KIFC2: variants seen among roughly 807,000 people sequenced by gnomAD.
The protein encoded by KIFC2 is kinesin family member C2, also known as kinesin-like protein KIFC2.
In KIFC2, 94 loss-of-function variants were observed where a neutral mutation model predicts 91.5. That is an observed-to-expected ratio of 1.03 (90% CI 0.87 to 1.22). KIFC2 has a LOEUF of 1.22. Ranked by LOEUF, KIFC2 falls within the 50% of genes most tolerant of loss-of-function variation. The pLI, the probability that KIFC2 is intolerant of heterozygous loss-of-function variation, is 0.00. For synonymous variants in KIFC2, 729 were observed against 503.9 expected, an observed-to-expected ratio of 1.45 and a Z score of -5.98; for missense variants, 1,357 against 1,103.3, an observed-to-expected ratio of 1.23 and a Z score of -3.26.
Position 144,467,839 on chromosome 8 carries a change from C to A in KIFC2, c.682-20C>A. 6.2e-7 allele frequency: 1 copy of A among 1,613,412 alleles called. No individual in the cohort carries two copies. Among genetic ancestry groups the A allele is most frequent in the South Asian group, 1.1e-5 (1 of 91,066 alleles). ...TGGAGGGGGTGCTTCAGGTGAGTGC[C>A]GAGGTTTCCTCTCCACCAGGGGGCG... On this transcript the variant is annotated intron_variant, in intron 6 of 17. Transcript: ENST00000645548.
chr8:144,471,810 T>G, intron 12 of KIFC2, 132 bp from the exon 13 acceptor site: 2 of 739,496 alleles, frequency 2.7e-6, no homozygotes, highest in Non-Finnish European at 4.7e-6. Context: ...TCCCCCATGG[T>G]CCCTTAGAGC....
chr8:144,470,189 G>A (rs1032122130), intron 12 of KIFC2, among the ~76,000 whole-genome samples: 5 of 152,256 alleles, frequency 3.3e-5, no homozygotes, highest in Non-Finnish European at 7.3e-5. Flanking sequence ...GAATGGCAGC[G>A]ACTCCCAACC....
intron 7 of KIFC2, 49 bp from the exon 8 acceptor site, chr8:144,468,280 C>G: frequency 2.7e-6 from 4 of 1,503,624 alleles, no homozygotes; most frequent in Non-Finnish European, 2.7e-6. Context: ...TGAAATGGTA[C>G]CACAGACCGT....
At position 144,473,549 on chromosome 8, in the gene KIFC2, A is replaced by C. The variant is rs1266613768; in HGVS notation, c.*160A>C. On this transcript the variant is annotated 3_prime_UTR_variant, in exon 18 of 18. Coordinates refer to ENST00000645548, the MANE Select transcript of KIFC2 (RefSeq NM_001369769.2). ...GAGTCACCCCTCCACCTCCGCAGCC[A>C]GTGAAGTGTGTTGTGCCTGCTGAAG... The C allele has an allele frequency of 5.2e-6, 6 of 1,164,496 alleles. No homozygotes were observed. 72.1% of individuals were successfully genotyped at this position (1,164,496 alleles called of 1,614,324 possible). A position where few individuals can be genotyped will look rare whatever the true frequency, so the allele number is the denominator to read the frequency against.
chr8:144,469,310 G>A lies in KIFC2; in HGVS notation c.1153G>A (p.Gly385Ser). 1.2e-6 allele frequency: 2 copies of A among 1,605,408 alleles called. No individual in the cohort carries two copies. The highest frequency in any genetic ancestry group is 1.7e-6 in the Non-Finnish European group (2 of 1,177,538). ...GGGGGCACTGTCATCTGGAGGGCCT[G>A]GCACTCAGCTCCCTGAGGGGCAGCA... is the stretch of plus-strand genomic sequence containing the variant. ...ALGALSSGGP[G>S]TQLPEGQQGP... The change falls in exon 11 of 18, where the codon GGC becomes AGC. Residue 385 changes from glycine to serine, a missense_variant. Physicochemically the swap from Gly to Ser is moderately conservative, Grantham distance 56. Coordinates refer to ENST00000645548, the MANE Select transcript of KIFC2 (RefSeq NM_001369769.2).
At position 144,466,795 on chromosome 8, in the gene KIFC2, C is replaced by T. The variant is rs759050492; in HGVS notation, c.135C>T (p.Asp45=). 5 of 1,535,850 alleles carry T rather than the reference C, an allele frequency of 3.3e-6. No homozygotes were observed. Among genetic ancestry groups the T allele is most frequent in the Admixed American group, 3.9e-5 (2 of 51,566 alleles). Residue 45 remains aspartate (D), a synonymous_variant, in exon 2 of 18, where the codon GAC becomes GAT. Coordinates refer to ENST00000645548, the MANE Select transcript of KIFC2 (RefSeq NM_001369769.2). ...ARKPRGRRRP[D]LPAPELWTEL... The stretch of plus-strand genomic sequence containing the variant: ...AGCCCCGGGGTCGCCGGCGCCCAGA[C>T]CTGCCCGCGCCAGAGCTGTGGACCG...
At chr8:144,467,420 G>T (rs200246760) in intron 4 of KIFC2, 65 bp from the exon 5 acceptor site, 3 of 1,542,638 alleles carry the variant, frequency 1.9e-6, no homozygotes, top group Non-Finnish European at 2.6e-6. Context: ...TGGAGTTCGG[G>T]GTCATGTTCC....
In KIFC2 at chr8:144,472,372, C is replaced by T. The variant is rs1194591770; in HGVS notation, c.1619C>T (p.Ala540Val). 4.3e-6 allele frequency: 7 copies of T among 1,613,280 alleles called. No individual in the cohort carries two copies. The Admixed American group carries it at 5.0e-5, about 12-fold the overall frequency. ...IYNEAVRDLL[A>V]PGPPERLAVR... ...CCCTTTCTCACCAGGGACCTCCTTG[C>T]TCCAGGGCCTCCCGAGCGCCTGGCC... Residue 540 changes from alanine (A) to valine (V), a missense_variant, in exon 15 of 18, where the codon GCT (alanine) becomes GTT (valine). By Grantham distance (64) the Ala-to-Val change is moderately conservative (BLOSUM62 0). Coordinates refer to ENST00000645548, the MANE Select transcript of KIFC2 (RefSeq NM_001369769.2).
In KIFC2 at chr8:144,466,997, G is replaced by A. The variant is rs1824679571; in HGVS notation, c.217G>A (p.Glu73Lys). Residue 73 changes from glutamate to lysine, a missense_variant, in exon 3 of 18, where the codon GAG becomes AAG. By Grantham distance (56) the Glu-to-Lys change is moderately conservative (BLOSUM62 1). Transcript: ENST00000645548. ...TGAGGATGGGTCGGAAGGCGCAGCC[G>A]AGGGCCGCGCGGCCGCGGTGTCCCT... Reference protein sequence around the residue: ...EPEDGSEGAAEGRAAAVSLEE... With the variant: ...EPEDGSEGAAKGRAAAVSLEE... The A allele has an allele frequency of 3.8e-6, 6 of 1,597,422 alleles. No individual in the cohort carries two copies. The highest frequency in any genetic ancestry group is 5.1e-6 in the Non-Finnish European group (6 of 1,176,262).
intron 12 of KIFC2, among the ~76,000 whole-genome samples, chr8:144,470,385 G>A (rs1218596178): frequency 6.6e-6 from 1 of 152,250 alleles, no homozygotes; most frequent in African/African-American, 2.4e-5. Context: ...CAGCCGTCCT[G>A]GACAGGGTCC....
Position 144,472,564 on chromosome 8 carries a change from C to T in KIFC2, c.1732-13C>T, listed in dbSNP as rs1371671621. 1 of 1,611,810 alleles carries T rather than the reference C, an allele frequency of 6.2e-7. No individual in the cohort carries two copies. The highest frequency in any genetic ancestry group is 8.5e-7 in the Non-Finnish European group (1 of 1,179,814). ...GACCCTGCACCTGACCAGCCCTTCG[C>T]CCCGCCTTCCAGATGCTGAAACTGG... On this transcript the variant is annotated splice_polypyrimidine_tract_variant and intron_variant, in intron 15 of 17. Coordinates refer to ENST00000645548, the MANE Select transcript of KIFC2 (RefSeq NM_001369769.2).
Position 144,472,196 on chromosome 8 carries a change from T to A in KIFC2, c.1544T>A (p.Met515Lys). The A allele has an allele frequency of 6.2e-7, 1 of 1,613,164 alleles. No homozygotes were observed. The highest frequency in any genetic ancestry group is 8.5e-7 in the Non-Finnish European group (1 of 1,179,974). The change falls in exon 14 of 18, where the codon ATG becomes AAG. Residue 515 changes from methionine (M) to lysine (K), a missense_variant. Transcript: ENST00000645548. ...GCGCTGCAGTCGCTGTTCCGGGAGA[T>A]GGGGGCCGGCCGGCAGCACCGGGTG... ...PRALQSLFRE[M>K]GAGRQHRVTL... is the part of the protein sequence containing the mutation.
chr8:144,468,868 T>C (rs1274442154), intron 10 of KIFC2, 34 bp downstream of exon 10: 3 of 1,554,588 alleles, frequency 1.9e-6, no homozygotes, highest in Non-Finnish European at 2.7e-6. Context: ...CCCTCCTCTC[T>C]GGGCAGCCTA....
rs1322047910 is a variant in KIFC2, at chr8:144,467,983, C to T, written c.806C>T (p.Pro269Leu). 1.1e-5 allele frequency: 17 copies of T among 1,553,888 alleles called. No individual in the cohort carries two copies. The highest frequency in any genetic ancestry group is 9.2e-5 in the Admixed American group (4 of 43,702). The change falls in exon 7 of 18, where the codon CCG becomes CTG. Residue 269 changes from proline (P) to leucine (L), a missense_variant. Transcript: ENST00000645548. ...GGCCCCGGGCCCCCCATCAGGGCTC[C>T]GCAGGTACTCTGCTCCCGAGCTGCA... Reference protein sequence around the residue: ...HWGPGPPIRAPQEEAEALLEL... With the variant: ...HWGPGPPIRALQEEAEALLEL...
rs886987295 is a variant in KIFC2 at position 144,472,415 on chromosome 8, A to C, written c.1662A>C (p.Glu554Asp). ...PERLAVRQGP[E>D]GQGGIQVAGL... ...GCCTGGCCGTGAGGCAGGGCCCAGA[A>C]GGCCAGGGCGGGATCCAGGTGGCTG... The change falls in exon 15 of 18, where the codon GAA (glutamate) becomes GAC (aspartate). Residue 554 changes from glutamate to aspartate, a missense_variant. Physicochemically the swap from Glu to Asp is conservative, Grantham distance 45 (BLOSUM62 2). Coordinates refer to ENST00000645548, the MANE Select transcript of KIFC2 (RefSeq NM_001369769.2). 3.1e-6 allele frequency: 5 copies of C among 1,613,018 alleles called. No individual in the cohort carries two copies. Among genetic ancestry groups the C allele is most frequent in the Non-Finnish European group, 2.5e-6 (3 of 1,179,842 alleles).
At position 144,467,848 on chromosome 8, in the gene KIFC2, C is replaced by T. The variant is rs779294448; in HGVS notation, c.682-11C>T. 6.2e-6 allele frequency: 10 copies of T among 1,613,454 alleles called. No homozygotes were observed. In the Admixed American group the frequency reaches 1.3e-4, roughly 22 times the overall value. ...TGCTTCAGGTGAGTGCCGAGGTTTCCTCTCCACCAGGGGGCGACGGACTCA... is the reference window on the plus strand; with the variant it reads ...TGCTTCAGGTGAGTGCCGAGGTTTCTTCTCCACCAGGGGGCGACGGACTCA... On this transcript the variant is annotated splice_polypyrimidine_tract_variant and intron_variant, in intron 6 of 17. Transcript: ENST00000645548.
chr8:144,468,644 C>T lies in KIFC2; in HGVS notation c.997C>T (p.Leu333=), dbSNP rs542631309. 514 of 1,613,462 alleles carry T rather than the reference C, an allele frequency of 3.2e-4. 5 individuals are homozygous for T. In the South Asian group the frequency reaches 5.3e-3, roughly 17 times the overall value. Reference sequence around the variant, plus strand: ...TGAGCTACAGCAGATGCATGGGCAGCTGGCAGGTAAGGGTTGGGGTTGGGG... The same window carrying T: ...TGAGCTACAGCAGATGCATGGGCAGTTGGCAGGTAAGGGTTGGGGTTGGGG... ...RRELQQMHGQ[L]AGLRARMASL... The change falls in exon 9 of 18, where the codon CTG becomes TTG. Residue 333 remains leucine, a synonymous_variant. Coordinates refer to ENST00000645548, the MANE Select transcript of KIFC2 (RefSeq NM_001369769.2).
chr8:144,468,261 T>C lies in KIFC2; in HGVS notation c.811-68T>C, dbSNP rs1249473055. 9 of 1,420,466 alleles carry C rather than the reference T, an allele frequency of 6.3e-6. No individual in the cohort carries two copies. In the Admixed American group the frequency reaches 1.4e-4, roughly 22 times the overall value. 88.0% of individuals were successfully genotyped at this position (1,420,466 alleles called of 1,614,324 possible). On this transcript the variant is annotated intron_variant, in intron 7 of 17. Coordinates refer to ENST00000645548, the MANE Select transcript of KIFC2 (RefSeq NM_001369769.2). ...CTCTGCCCACCTCTTGACTTGACTT[T>C]CCCATCTGTGAAATGGTACCACAGA...
In KIFC2 at chr8:144,473,493, C is replaced by T. The variant is rs1825029876; in HGVS notation, c.*104C>T. ...GTCTCCCAGGGCACAAGCTCCCTAG[C>T]CTCTTTGGATCCATTGCCCCTGAGC... On this transcript the variant is annotated 3_prime_UTR_variant, in exon 18 of 18. Transcript: ENST00000645548. The T allele has an allele frequency of 3.5e-6, 5 of 1,431,946 alleles. No homozygotes were observed. Among genetic ancestry groups the T allele is most frequent in the South Asian group, 1.5e-5 (1 of 67,580 alleles). 88.7% of individuals were successfully genotyped at this position (1,431,946 alleles called of 1,614,324 possible).
Sources: gnomAD v4.1 joint callset for allele counts (sites outside exome capture counted in the v4.1 genomes callset) on GRCh38, gnomAD v4.1.1 for gene constraint, MANE v1.5 for transcripts, NCBI Gene and HGNC (gene_info 2026-07-23, HGNC 2026-07-21) for gene names.